CSMD2: variants seen among roughly 807,000 people sequenced by gnomAD.
CSMD2 encodes the protein CUB and Sushi multiple domains 2.
Under a neutral mutation model 398.5 loss-of-function variants are expected in CSMD2, and 130 were observed. That is an observed-to-expected ratio of 0.33 (90% CI 0.28 to 0.38). The LOEUF is 0.38. Ranked by LOEUF, CSMD2 falls within the 10% of genes least tolerant of loss-of-function variation. CSMD2 has a pLI of 1.00. For missense variants in CSMD2, 3,829 were observed against 4,764.9 expected, an observed-to-expected ratio of 0.80 and a Z score of 5.78; for synonymous variants, 1,828 against 1,908.5, an observed-to-expected ratio of 0.96 and a Z score of 1.10.
chr1:33,697,217 C>T (rs1337365995), intron 24 of CSMD2, among the ~76,000 whole-genome samples: 1 of 152,168 alleles, frequency 6.6e-6, no homozygotes, highest in Non-Finnish European at 1.5e-5. Flanking sequence ...ATTTTGTGTG[C>T]TCTGGCTTGC....
intron 64 of CSMD2, among the ~76,000 whole-genome samples, chr1:33,532,084 G>C (rs941194701): frequency 2.0e-5 from 3 of 152,208 alleles, no homozygotes; most frequent in African/African-American, 7.2e-5. Context: ...CCGTTAGTAA[G>C]TTCTAGCTCT....
At chr1:33,748,438 A>G (rs1647697502) in intron 13 of CSMD2, among the ~76,000 whole-genome samples, 1 of 152,222 alleles carries the variant, frequency 6.6e-6, no homozygotes, top group Admixed American at 6.5e-5. Flanking sequence ...CAGAAGCGTC[A>G]GACTGTTGAC....
Position 33,519,725 on chromosome 1 carries a change from A to T in CSMD2, c.10737-48T>A. ...CCACGGCATGAAAAGAGCGACACAG[A>T]GAGGCTTAGGGGTCTGGTGCGGGGG... is the stretch of plus-strand genomic sequence containing the variant. On this transcript the variant is annotated intron_variant, in intron 69 of 70. Transcript: ENST00000373381. The surrounding 1 kb of genome is among the most constrained non-coding windows in gnomAD (Gnocchi z 5.6). 1 of 1,613,626 alleles carries T rather than the reference A, an allele frequency of 6.2e-7. No homozygotes were observed. Among genetic ancestry groups the T allele is most frequent in the African/African-American group, 1.3e-5 (1 of 74,950 alleles).
intron 5 of CSMD2, among the ~76,000 whole-genome samples, chr1:33,857,533 G>GC (rs1639186436): frequency 6.6e-6 from 1 of 152,122 alleles, no homozygotes; most frequent in Non-Finnish European, 1.5e-5. Flanking sequence ...TCTGCCTGCT[G>GC]GCATCATTCT....
chr1:33,536,289 T>C (rs1277807607), intron 62 of CSMD2, among the ~76,000 whole-genome samples: 5 of 152,324 alleles, frequency 3.3e-5, no homozygotes, highest in African/African-American at 9.6e-5. Flanking sequence ...AGTGGTGCGA[T>C]CTTGGCTCAC....
chr1:33,576,804 GT>G (rs369948744), intron 49 of CSMD2, among the ~76,000 whole-genome samples: 1,548 of 144,464 alleles, frequency 0.011, 28 homozygotes, highest in African/African-American at 0.034. Context: ...ATTATCTACC[GT>G]TTTTTTTTTT....
Position 34,075,443 on chromosome 1 carries a change from T to C in CSMD2, c.404+13534A>G, listed in dbSNP as rs78838046. Among the ~76,000 whole-genome samples, 920 of 152,338 alleles carry C rather than the reference T, an allele frequency of 6.0e-3. 9 individuals are homozygous for C. The highest frequency in any genetic ancestry group is 0.02 in the African/African-American group (852 of 41,578). On this transcript the variant is annotated intron_variant, in intron 2 of 70. Transcript: ENST00000373381. ...GTAAATCTGGCAAATTTGTGGATTT[T>C]TACAACTTCCAAAACAGGTGTCTGA...
At chr1:33,903,964 A>G (rs1271315932) in intron 5 of CSMD2, among the ~76,000 whole-genome samples, 4 of 152,222 alleles carry the variant, frequency 2.6e-5, no homozygotes, top group Non-Finnish European at 5.9e-5. Flanking sequence ...CAGAAGCCCG[A>G]GCAGGGAACC....
intron 49 of CSMD2, among the ~76,000 whole-genome samples, chr1:33,575,700 T>G (rs924196478): frequency 1.3e-5 from 2 of 152,158 alleles, no homozygotes; most frequent in Non-Finnish European, 2.9e-5. Context: ...AAAAAAGACT[T>G]GTCCTTGTTA....
intron 1 of CSMD2, among the ~76,000 whole-genome samples, chr1:34,153,566 C>T (rs1419012929): frequency 1.3e-5 from 2 of 152,228 alleles, no homozygotes; most frequent in African/African-American, 4.8e-5. Context: ...CCCATGTCCC[C>T]AGTGCTGCTG....
At chr1:33,829,134 G>T (rs570985660) in intron 6 of CSMD2, among the ~76,000 whole-genome samples, 1 of 152,122 alleles carries the variant, frequency 6.6e-6, no homozygotes, top group African/African-American at 2.4e-5. Flanking sequence ...TCATGTTAGC[G>T]CAGGGAAATA....
rs187051497 is a variant in CSMD2 at position 33,731,639 on chromosome 1, T to C, written c.2369-4954A>G. ...CCCGACTTCTGCAACAACAAAAAAA[T>C]CTCAAGGGGGTGGGGAGTAGACACC... On this transcript the variant is annotated intron_variant, in intron 15 of 70. Coordinates refer to ENST00000373381, the MANE Select transcript of CSMD2 (RefSeq NM_001281956.2). 1.0e-3 allele frequency among the ~76,000 whole-genome samples: 156 copies of C among 152,116 alleles called. 1 individual carries two copies. The highest frequency in any genetic ancestry group is 1.9e-3 in the Non-Finnish European group (127 of 67,982).
intron 6 of CSMD2, among the ~76,000 whole-genome samples, chr1:33,835,985 T>G (rs1205719847): frequency 6.6e-6 from 1 of 152,210 alleles, no homozygotes; most frequent in Non-Finnish European, 1.5e-5. Flanking sequence ...TTTCCCCATC[T>G]TTGTGGTTTT....
rs571610991 is a variant in CSMD2, at chr1:34,085,001, C to T, written c.404+3976G>A. ...AACCCAAATGTCCAACAATGATAGA[C>T]TGGATTAAGAAAATGTGGCACAAAT... On this transcript the variant is annotated intron_variant, in intron 2 of 70. Transcript: ENST00000373381. Among the ~76,000 whole-genome samples, 192 of 152,202 alleles carry T rather than the reference C, an allele frequency of 1.3e-3. 4 individuals are homozygous for T. The East Asian group carries it at 0.036, about 29-fold the overall frequency.
chr1:33,992,764 C>T (rs1198569896), intron 3 of CSMD2, among the ~76,000 whole-genome samples: 1 of 150,638 alleles, frequency 6.6e-6, no homozygotes, highest in East Asian at 2.0e-4. Flanking sequence ...GTGGTTCTGG[C>T]TGCTCAGGAG....
intron 19 of CSMD2, among the ~76,000 whole-genome samples, chr1:33,720,379 A>C (rs1646319481): frequency 6.6e-6 from 1 of 152,130 alleles, no homozygotes; most frequent in Admixed American, 6.5e-5. Flanking sequence ...ATGGGAGCCC[A>C]GGGGAGAAGA....
chr1:33,589,050 T>C (rs186046), intron 44 of CSMD2, among the ~76,000 whole-genome samples: 2,907 of 152,306 alleles, frequency 0.019, 92 homozygotes, highest in African/African-American at 0.067. Context: ...TAACTGTAAA[T>C]GTTTTCTATA....
At chr1:34,159,732 G>A (rs1641158593) in intron 1 of CSMD2, among the ~76,000 whole-genome samples, 1 of 152,204 alleles carries the variant, frequency 6.6e-6, no homozygotes, top group Non-Finnish European at 1.5e-5. Flanking sequence ...AGACAGTGCC[G>A]GTGAGTACTC....
chr1:33,997,371 AGTAACG>A (rs1433521707), intron 3 of CSMD2, among the ~76,000 whole-genome samples: 1 of 152,218 alleles, frequency 6.6e-6, no homozygotes, highest in African/African-American at 2.4e-5. Flanking sequence ...GCGTGTCCTT[AGTAACG>A]GCATTATTAT....
Sources: allele counts gnomAD v4.1 joint callset (sites outside exome capture counted in the v4.1 genomes callset), GRCh38; gene constraint gnomAD v4.1.1; non-coding constraint Gnocchi (gnomAD v3.1); transcripts MANE v1.5; gene names NCBI Gene and HGNC (gene_info 2026-07-23, HGNC 2026-07-21).